The following SYNE2 variants were observed in gnomAD, a reference collection of about 807,000 sequenced individuals.
SYNE2 encodes nesprin-2.
Under a neutral mutation model 856.3 loss-of-function variants are expected in SYNE2, and 431 were observed. That is an observed-to-expected ratio of 0.50 (90% CI 0.47 to 0.55). SYNE2 has a LOEUF of 0.55. SYNE2 is among the 20% of genes least tolerant of loss of function. The probability of loss-of-function intolerance (pLI) is 0.00; values close to 1 mark genes in which losing one functional copy is unlikely to be tolerated. For missense variants in SYNE2, 8,129 were observed against 8,023.2 expected (o/e 1.01, Z -0.50); for synonymous variants, 2,923 against 2,872.3 (o/e 1.02, Z -0.56).
intron 1 of SYNE2, among the ~76,000 whole-genome samples, chr14:63,774,450 CAG>C (rs1887033859): frequency 8.7e-6 from 1 of 115,352 alleles, no homozygotes; most frequent in Non-Finnish European, 1.7e-5. Context: ...GCCTGGGTAA[CAG>C]AGTGAGACTC....
At chr14:63,994,934 A>G in intron 22 of SYNE2, 110 bp from the exon 23 acceptor site, 1 of 707,794 alleles carries the variant, frequency 1.4e-6, no homozygotes, top group Non-Finnish European at 2.2e-6. Flanking sequence ...AATGGCACTT[A>G]AGCTTTGTTT....
chr14:63,991,066 A>G lies in SYNE2; in HGVS notation c.2597A>G (p.Gln866Arg). ...ELESYMMRAQ[Q>R]LLGQRESPGE... ...GAATCATATATGATGAGGGCTCAGC[A>G]GTTACTGGGGCAAAGAGAGAGCCCC... is the stretch of plus-strand genomic sequence containing the variant. Residue 866 changes from glutamine (Q) to arginine (R), a missense_variant, in exon 21 of 116, where the codon CAG (glutamine) becomes CGG (arginine). Gln to Arg is a conservative substitution (Grantham distance 43). Around this residue, in one of 3 missense-constraint regions of SYNE2, gnomAD observed 2,422 missense variants for 2,357.4 expected, o/e 1.03. Transcript: ENST00000555002. The G allele has an allele frequency of 6.2e-7, 1 of 1,614,190 alleles. No individual in the cohort carries two copies. Among genetic ancestry groups the G allele is most frequent in the East Asian group, 2.2e-5 (1 of 44,872 alleles).
chr14:64,140,854 A>G (rs947828878), intron 80 of SYNE2, among the ~76,000 whole-genome samples: 1 of 152,020 alleles, frequency 6.6e-6, no homozygotes, highest in African/African-American at 2.4e-5. Flanking sequence ...ATTATTGGTC[A>G]ATGCATTTAT....
intron 1 of SYNE2, among the ~76,000 whole-genome samples, chr14:63,773,885 A>G (rs1353303600): frequency 6.6e-6 from 1 of 152,232 alleles, no homozygotes; most frequent in Non-Finnish European, 1.5e-5. Flanking sequence ...AGCTAAGCAC[A>G]TCTTGTTTGA....
intron 99 of SYNE2, among the ~76,000 whole-genome samples, chr14:64,199,755 T>C (rs1267226102): frequency 6.7e-6 from 1 of 148,974 alleles, no homozygotes; most frequent in African/African-American, 2.5e-5. Flanking sequence ...GTTGCTAACA[T>C]GGAGCACAAC....
chr14:63,788,878 G>A (rs952441049), intron 1 of SYNE2, among the ~76,000 whole-genome samples: 2 of 152,174 alleles, frequency 1.3e-5, no homozygotes, highest in East Asian at 1.9e-4. Context: ...CAAAAGAAAG[G>A]AAATAAGTGT....
At chr14:63,947,441 T>C (rs2153426065) in intron 6 of SYNE2, among the ~76,000 whole-genome samples, 1 of 152,356 alleles carries the variant, frequency 6.6e-6, no homozygotes, top group African/African-American at 2.4e-5. Context: ...TATATTTAGA[T>C]CTACCGTCTT....
chr14:63,910,458 A>G (rs2095459479), intron 2 of SYNE2, among the ~76,000 whole-genome samples: 1 of 152,200 alleles, frequency 6.6e-6, no homozygotes, highest in Admixed American at 6.5e-5. Context: ...AATTGTTGAG[A>G]GGTTATACTT....
chr14:63,839,576 T>G (rs1889978012), intron 1 of SYNE2, among the ~76,000 whole-genome samples: 1 of 152,170 alleles, frequency 6.6e-6, no homozygotes, highest in South Asian at 2.1e-4. Context: ...ATGCCTGTAA[T>G]CCCAGCTACT....
chr14:64,119,756 G>A (rs544434592), intron 67 of SYNE2, 147 bp downstream of exon 67: 3 of 773,334 alleles, frequency 3.9e-6, no homozygotes, highest in Non-Finnish European at 6.1e-6. Flanking sequence ...CCATAGATGA[G>A]TACACTGGCT....
At chr14:63,814,392 T>G (rs1418636556) in intron 1 of SYNE2, among the ~76,000 whole-genome samples, 2 of 147,192 alleles carry the variant, frequency 1.4e-5, no homozygotes, top group Non-Finnish European at 3.0e-5. Context: ...ATTATATATA[T>G]ATCCATAAAC....
At chr14:64,081,946 C>T (rs1020227696) in intron 57 of SYNE2, among the ~76,000 whole-genome samples, 3 of 151,982 alleles carry the variant, frequency 2.0e-5, no homozygotes, top group African/African-American at 7.2e-5. Context: ...ATTAGCTGGG[C>T]ACGGTGGCGG....
intron 1 of SYNE2, among the ~76,000 whole-genome samples, chr14:63,824,803 T>C (rs1184973295): frequency 2.0e-5 from 3 of 152,092 alleles, no homozygotes; most frequent in East Asian, 3.8e-4. Context: ...ACACCCACTA[T>C]GCACCCACAA....
intron 1 of SYNE2, among the ~76,000 whole-genome samples, chr14:63,859,572 A>G (rs1300215582): frequency 2.6e-5 from 4 of 152,242 alleles, no homozygotes; most frequent in Non-Finnish European, 5.9e-5. Flanking sequence ...TAATCCCAGC[A>G]GTTTGGGAGG....
chr14:63,962,460 T>C (rs1243321906), intron 9 of SYNE2, among the ~76,000 whole-genome samples: 1 of 152,246 alleles, frequency 6.6e-6, no homozygotes. Context: ...GTTGTTAGTG[T>C]ATTTACATGA....
At chr14:64,035,460 G>A (rs2097079578) in intron 45 of SYNE2, among the ~76,000 whole-genome samples, 1 of 149,776 alleles carries the variant, frequency 6.7e-6, no homozygotes, top group Non-Finnish European at 1.5e-5. Flanking sequence ...TACTGTAGAG[G>A]TATTTTCACA....
At chr14:64,207,465 G>A (rs1181665713) in intron 100 of SYNE2, among the ~76,000 whole-genome samples, 1 of 151,618 alleles carries the variant, frequency 6.6e-6, no homozygotes, top group African/African-American at 2.4e-5. Context: ...GGAGGCTGAT[G>A]TGGGAGGATC....
intron 66 of SYNE2, among the ~76,000 whole-genome samples, chr14:64,114,779 G>A (rs754853645): frequency 5.9e-5 from 9 of 151,912 alleles, no homozygotes; most frequent in Non-Finnish European, 1.0e-4. Flanking sequence ...CACCACACCC[G>A]GCTACTTTTT....
Position 63,996,969 on chromosome 14 carries a change from G to T in SYNE2, c.2963G>T (p.Cys988Phe). 1 of 1,614,104 alleles carries T rather than the reference G, an allele frequency of 6.2e-7. No homozygotes were observed. Residue 988 changes from cysteine to phenylalanine, a missense_variant, in exon 24 of 116, where the codon TGC becomes TTC. Around this residue, in one of 3 missense-constraint regions of SYNE2, gnomAD observed 2,422 missense variants for 2,357.4 expected, o/e 1.03. Coordinates refer to ENST00000555002, the MANE Select transcript of SYNE2 (RefSeq NM_182914.3). Reference protein sequence around the residue: ...EHEACFSEEGCLYQLNHHMEV... With the variant: ...EHEACFSEEGFLYQLNHHMEV... ...TAGGCCTGCTTTTCTGAGGAAGGCT[G>T]CCTGTACCAGCTTAATCACCACATG...
Sources: gnomAD v4.1 joint callset for allele counts (sites outside exome capture counted in the v4.1 genomes callset) on GRCh38, gnomAD v4.1.1 for gene constraint, gnomAD v4.1.1 regional missense constraint, MANE v1.5 for transcripts, NCBI Gene and HGNC (gene_info 2026-07-23, HGNC 2026-07-21) for gene names.